The following WHRN variants were observed in gnomAD, a reference collection of about 807,000 sequenced individuals.
WHRN encodes whirlin, also known as CASK-interacting protein CIP98.
WHRN carries 41 observed loss-of-function variants against 68.3 expected under a neutral mutation model. The observed-to-expected ratio is 0.60, with a 90% CI of 0.47 to 0.78. WHRN has a LOEUF of 0.78. WHRN is among the 30% of genes least tolerant of loss of function. The pLI, the probability that WHRN is intolerant of heterozygous loss-of-function variation, is 0.00. For synonymous variants in WHRN, 560 were observed against 561.3 expected (o/e 1.00, Z 0.03); for missense variants, 1,243 against 1,244.7 (o/e 1.00, Z 0.02).
chr9:114,423,163 T>C (rs1836465855), intron 7 of WHRN, 151 bp downstream of exon 7: 5 of 826,300 alleles, frequency 6.1e-6, no homozygotes, highest in Non-Finnish European at 1.0e-5. Context: ...TATTAGGTTT[T>C]TACAGAGGAA....
At chr9:114,484,524 G>A (rs192772934) in intron 1 of WHRN, among the ~76,000 whole-genome samples, 21 of 152,332 alleles carry the variant, frequency 1.4e-4, no homozygotes, top group East Asian at 3.9e-4. Context: ...AATGAGCTAC[G>A]GCTGAAAAGG....
chr9:114,493,221 C>T (rs910792993), intron 1 of WHRN, among the ~76,000 whole-genome samples: 3 of 151,614 alleles, frequency 2.0e-5, no homozygotes, highest in Non-Finnish European at 2.9e-5. Context: ...TGTGGTGGTG[C>T]ACACCTGTAG....
chr9:114,461,836 T>A (rs1395270077), intron 3 of WHRN, among the ~76,000 whole-genome samples: 3 of 152,224 alleles, frequency 2.0e-5, no homozygotes, highest in Non-Finnish European at 4.4e-5. Context: ...ATTATTACAA[T>A]TGTAACTAAA....
intron 6 of WHRN, among the ~76,000 whole-genome samples, chr9:114,424,066 C>T (rs1443671269): frequency 6.6e-6 from 1 of 152,206 alleles, no homozygotes; most frequent in Non-Finnish European, 1.5e-5. Flanking sequence ...GGCCCGAGCA[C>T]TGCTTTTAAG....
At chr9:114,487,851 C>A (rs1046955721) in intron 1 of WHRN, among the ~76,000 whole-genome samples, 4 of 152,178 alleles carry the variant, frequency 2.6e-5, no homozygotes, top group African/African-American at 9.7e-5. Flanking sequence ...GTGGAGGCCT[C>A]GCAATGTCCT....
intron 7 of WHRN, among the ~76,000 whole-genome samples, chr9:114,423,026 C>CTTTTTTTTTTTTTT (rs370330247): frequency 6.8e-6 from 1 of 147,838 alleles, no homozygotes; most frequent in East Asian, 2.0e-4. Context: ...AATTTACCTA[C>CTTTTTTTTTTTTTT]TTTTTTTTTT....
intron 3 of WHRN, among the ~76,000 whole-genome samples, chr9:114,446,322 GCAGTTTT>G (rs1838818115): frequency 6.6e-6 from 1 of 151,308 alleles, no homozygotes; most frequent in Non-Finnish European, 1.5e-5. Context: ...CAGATTAGTA[GCAGTTTT>G]CAGGGAGTGA....
At chr9:114,403,785 A>C in intron 10 of WHRN, 111 bp downstream of exon 10, 1 of 1,348,708 alleles carries the variant, frequency 7.4e-7, no homozygotes, top group South Asian at 1.2e-5. Flanking sequence ...GGAGCTCACT[A>C]CCTCCCTTTG....
In WHRN at chr9:114,501,026, C is replaced by T. The variant is rs556390577; in HGVS notation, c.618+3158G>A. On this transcript the variant is annotated intron_variant, in intron 1 of 11. Transcript: ENST00000362057. ...TGCCTCCTGTGTAGCACATACCAAG[C>T]AAATCACAGACTGTCCAAGCTGGAA... is the stretch of plus-strand genomic sequence containing the variant. Among the ~76,000 whole-genome samples, 6 of 152,266 alleles carry T rather than the reference C, an allele frequency of 3.9e-5. No individual in the cohort carries two copies. The East Asian group carries it at 9.6e-4, about 24-fold the overall frequency.
chr9:114,408,070 A>G, intron 7 of WHRN, 52 bp from the exon 8 acceptor site: 3 of 1,487,448 alleles, frequency 2.0e-6, no homozygotes, highest in South Asian at 2.4e-5. Flanking sequence ...AGAAGGGAAC[A>G]CTGGTTTGTT....
intron 2 of WHRN, among the ~76,000 whole-genome samples, chr9:114,468,221 G>A (rs764768016): frequency 5.3e-5 from 8 of 152,190 alleles, no homozygotes; most frequent in Non-Finnish European, 1.2e-4. Flanking sequence ...AGAGACAAGT[G>A]AGAGCATGTG....
intron 7 of WHRN, among the ~76,000 whole-genome samples, chr9:114,415,095 G>A (rs1233842909): frequency 6.6e-6 from 1 of 152,076 alleles, no homozygotes; most frequent in East Asian, 1.9e-4. Flanking sequence ...CCAGAAGTTT[G>A]AGACCAGCTT....
At chr9:114,410,772 C>T (rs1018527809) in intron 7 of WHRN, among the ~76,000 whole-genome samples, 2 of 152,236 alleles carry the variant, frequency 1.3e-5, no homozygotes, top group African/African-American at 4.8e-5. Flanking sequence ...CTGCACACTG[C>T]CTCACAGGAA....
chr9:114,403,122 C>T (rs190418731), intron 11 of WHRN, 95 bp downstream of exon 11: 769 of 1,584,740 alleles, frequency 4.9e-4, no homozygotes, highest in Middle Eastern at 2.8e-3. Context: ...CCTTGAGTGC[C>T]GTGTTACCCA....
intron 1 of WHRN, chr9:114,503,792 G>GAAAAACA: frequency 8.3e-6 from 2 of 239,682 alleles, no homozygotes; most frequent in South Asian, 1.1e-4. Flanking sequence ...CTGTTTCAGG[G>GAAAAACA]AAAAACAAAA....
At chr9:114,415,876 G>T (rs1487715544) in intron 7 of WHRN, among the ~76,000 whole-genome samples, 1 of 152,094 alleles carries the variant, frequency 6.6e-6, no homozygotes, top group Admixed American at 6.5e-5. Flanking sequence ...GGAAAAATAA[G>T]GCCCTTTGAC....
intron 2 of WHRN, among the ~76,000 whole-genome samples, chr9:114,472,289 G>A (rs1374233223): frequency 2.6e-5 from 4 of 152,170 alleles, no homozygotes; most frequent in Non-Finnish European, 5.9e-5. Flanking sequence ...TCAGAGGAAA[G>A]TCCCCAGACT....
intron 1 of WHRN, among the ~76,000 whole-genome samples, chr9:114,479,346 T>G (rs567124722): frequency 3.2e-4 from 49 of 152,278 alleles, no homozygotes; most frequent in African/African-American, 1.1e-3. Flanking sequence ...GTGTGTTCTG[T>G]GGAACTCACA....
intron 1 of WHRN, among the ~76,000 whole-genome samples, chr9:114,486,070 C>T (rs980916223): frequency 2.6e-5 from 4 of 152,074 alleles, no homozygotes; most frequent in South Asian, 2.1e-4. Context: ...CTGTAAACTG[C>T]GTATACAGTA....
Sources: gnomAD v4.1 joint callset for allele counts (sites outside exome capture counted in the v4.1 genomes callset) on GRCh38, gnomAD v4.1.1 for gene constraint, MANE v1.5 for transcripts, NCBI Gene and HGNC (gene_info 2026-07-23, HGNC 2026-07-21) for gene names.